The following BEND7 variants were observed in gnomAD, a reference collection of about 807,000 sequenced individuals.
BEND7 encodes BEN domain containing 7.
Under a neutral mutation model 50.9 loss-of-function variants are expected in BEND7, and 28 were observed. The observed-to-expected ratio is 0.55, with a 90% CI of 0.41 to 0.75. The LOEUF (loss-of-function observed/expected upper bound fraction) is 0.75. Ranked by LOEUF, BEND7 falls within the 30% of genes least tolerant of loss-of-function variation. The probability of loss-of-function intolerance (pLI) is 0.00; values close to 1 mark genes in which losing one functional copy is unlikely to be tolerated. For missense variants in BEND7, 477 were observed against 491.3 expected, an observed-to-expected ratio of 0.97 and a Z score of 0.28; for synonymous variants, 170 against 183.9, an observed-to-expected ratio of 0.92 and a Z score of 0.61.
intron 2 of BEND7, 122 bp from the exon 3 acceptor site, chr10:13,500,202 T>C (rs2077341140): frequency 3.3e-6 from 3 of 899,220 alleles, no homozygotes; most frequent in East Asian, 5.1e-5. Context: ...ACTGACTCTA[T>C]GAACTTAATC....
In BEND7 at chr10:13,500,624, G is replaced by T. The variant is rs1267620653; in HGVS notation, c.146-544C>A. 4 of 986,326 alleles carry T rather than the reference G, an allele frequency of 4.1e-6. No individual in the cohort carries two copies. In the East Asian group the frequency reaches 4.5e-4, roughly 111 times the overall value. 61.1% of individuals were successfully genotyped at this position (986,326 alleles called of 1,614,324 possible). A position where few individuals can be genotyped will look rare whatever the true frequency, so the allele number is the denominator to read the frequency against. ...TCAGGATGACTGGCAGGGATGCAGG[G>T]CTTCACTGCTGACACAATGTCCTCC... On this transcript the variant is annotated intron_variant, in intron 2 of 8. Transcript: ENST00000466271.
At chr10:13,477,694 T>C (rs760972899) in intron 6 of BEND7, among the ~76,000 whole-genome samples, 5 of 152,274 alleles carry the variant, frequency 3.3e-5, no homozygotes, top group Non-Finnish European at 7.3e-5. Flanking sequence ...TGGCATTTTA[T>C]TAACTGTTAA....
In BEND7 at chr10:13,528,635, G is replaced by A. The variant is rs1237222468; in HGVS notation, c.-102C>T. 34 of 543,328 alleles carry A rather than the reference G, an allele frequency of 6.3e-5. No homozygotes were observed. The highest frequency in any genetic ancestry group is 1.3e-4 in the Admixed American group (2 of 15,034). The allele number at this position is 543,328 out of a possible 1,614,324, so 33.7% of individuals were successfully genotyped here. A position where few individuals can be genotyped will look rare whatever the true frequency, so the allele number is the denominator to read the frequency against. On this transcript the variant is annotated 5_prime_UTR_variant, in exon 1 of 9. Transcript: ENST00000466271. ...CGGCGCGGGCTCGTGTCACCGCGGC[G>A]GAGCCGCCGGGACCAAGGTCCGCGC...
intron 2 of BEND7, 66 bp downstream of exon 2, chr10:13,526,072 T>C (rs1564428791): frequency 3.5e-6 from 3 of 853,200 alleles, no homozygotes; most frequent in Non-Finnish European, 3.3e-6. Context: ...AACAATTTCC[T>C]TTTTTCCCCC....
At chr10:13,481,251 G>T in intron 5 of BEND7, 127 bp from the exon 6 acceptor site, 1 of 875,780 alleles carries the variant, frequency 1.1e-6, no homozygotes, top group Non-Finnish European at 1.7e-6. Context: ...AACACTCTTG[G>T]CTTTCTTTGT....
chr10:13,479,957 A>T (rs946011202), intron 6 of BEND7, among the ~76,000 whole-genome samples: 5 of 152,208 alleles, frequency 3.3e-5, no homozygotes, highest in African/African-American at 1.2e-4. Context: ...GGGGAACAGA[A>T]GGGGGCAGAG....
intron 6 of BEND7, among the ~76,000 whole-genome samples, chr10:13,470,720 G>C (rs1309764504): frequency 6.6e-6 from 1 of 152,170 alleles, no homozygotes; most frequent in African/African-American, 2.4e-5. Context: ...CCAACGGCAG[G>C]GATCCGAATT....
intron 7 of BEND7, among the ~76,000 whole-genome samples, chr10:13,448,888 T>C (rs549332245): frequency 7.7e-4 from 113 of 146,788 alleles, no homozygotes; most frequent in African/African-American, 2.7e-3. Flanking sequence ...GGCAGGAGAA[T>C]GGTGTGAACC....
intron 5 of BEND7, among the ~76,000 whole-genome samples, chr10:13,482,945 T>C (rs1374643484): frequency 6.6e-6 from 1 of 152,224 alleles, no homozygotes; most frequent in African/African-American, 2.4e-5. Context: ...GATGAAGTTT[T>C]ATTCATAACC....
chr10:13,441,263 A>T lies in BEND7; in HGVS notation c.*480T>A. ...ATATTTACATATTAATAAAACATAT[A>T]TACAGAAGATTGAGACATTATCCAT... On this transcript the variant is annotated 3_prime_UTR_variant, in exon 9 of 9. Transcript: ENST00000466271. 5 of 914,416 alleles carry T rather than the reference A, an allele frequency of 5.5e-6. No homozygotes were observed. The highest frequency in any genetic ancestry group is 6.5e-6 in the Non-Finnish European group (5 of 765,214). The allele number at this position is 914,416 out of a possible 1,614,324, so 56.6% of individuals were successfully genotyped here.
chr10:13,498,810 T>C (rs1303271805), intron 3 of BEND7, among the ~76,000 whole-genome samples: 1 of 152,190 alleles, frequency 6.6e-6, no homozygotes, highest in African/African-American at 2.4e-5. Flanking sequence ...GATACTGGCT[T>C]ATGTACTACT....
intron 2 of BEND7, among the ~76,000 whole-genome samples, chr10:13,508,091 C>T (rs1013433350): frequency 6.6e-6 from 1 of 152,194 alleles, no homozygotes; most frequent in African/African-American, 2.4e-5. Context: ...GCACAACCTC[C>T]ACAAGTGAGC....
At chr10:13,447,832 G>A (rs1310347202) in intron 7 of BEND7, among the ~76,000 whole-genome samples, 2 of 152,128 alleles carry the variant, frequency 1.3e-5, no homozygotes, top group Admixed American at 1.3e-4. Context: ...GATCACTGAT[G>A]ATTTCTGTTT....
At position 13,441,450 on chromosome 10, in the gene BEND7, C is replaced by G; in HGVS notation, c.*293G>C. ...AGTGTGTAGATCCGTTCATCGCACA[C>G]ATCTTTGGGTTGAACAAGCTCCACC... On this transcript the variant is annotated 3_prime_UTR_variant, in exon 9 of 9. Transcript: ENST00000466271. 1 of 1,145,276 alleles carries G rather than the reference C, an allele frequency of 8.7e-7. No individual in the cohort carries two copies. Among genetic ancestry groups the G allele is most frequent in the Non-Finnish European group, 1.1e-6 (1 of 941,206 alleles). 70.9% of individuals were successfully genotyped at this position (1,145,276 alleles called of 1,614,324 possible).
intron 8 of BEND7, chr10:13,445,548 C>T (rs1247653105): frequency 2.0e-5 from 3 of 152,172 alleles, no homozygotes; most frequent in Non-Finnish European, 4.4e-5. Flanking sequence ...TTCTGGGCCT[C>T]AGGCTTTTTT....
chr10:13,463,832 A>T lies in BEND7; in HGVS notation c.1064-11174T>A, dbSNP rs2073961846. 3.3e-5 allele frequency among the ~76,000 whole-genome samples: 5 copies of T among 152,226 alleles called. No individual in the cohort carries two copies. In the South Asian group the frequency reaches 8.3e-4, roughly 25 times the overall value. Reference sequence around the variant, plus strand: ...TACTTGAAATGCATGTCATTGACAAAAAAACTCCAGTAAGTCAGTAAGAGA... The same window carrying T: ...TACTTGAAATGCATGTCATTGACAATAAAACTCCAGTAAGTCAGTAAGAGA... On this transcript the variant is annotated intron_variant, in intron 6 of 8. Coordinates refer to ENST00000466271, the MANE Select transcript of BEND7 (RefSeq NM_001369863.1).
At chr10:13,469,677 A>T (rs1305811050) in intron 6 of BEND7, among the ~76,000 whole-genome samples, 1 of 152,116 alleles carries the variant, frequency 6.6e-6, no homozygotes, top group Non-Finnish European at 1.5e-5. Flanking sequence ...GAGTTTCACC[A>T]TGTTGGCCAG....
At position 13,448,555 on chromosome 10, in the gene BEND7, G is replaced by A. The variant is rs75717438; in HGVS notation, c.1184-1239C>T. ...GCTAGAAATATTGTATGGCTCCCCTGTCTCCTTCATCCTCCAACATCTTGT... is the reference window on the plus strand; with the variant it reads ...GCTAGAAATATTGTATGGCTCCCCTATCTCCTTCATCCTCCAACATCTTGT... On this transcript the variant is annotated intron_variant, in intron 7 of 8. Transcript: ENST00000466271. 7.9e-3 allele frequency among the ~76,000 whole-genome samples: 1,206 copies of A among 152,240 alleles called. 6 individuals carry two copies. The highest frequency in any genetic ancestry group is 0.012 in the Non-Finnish European group (836 of 68,006).
intron 6 of BEND7, among the ~76,000 whole-genome samples, chr10:13,478,492 G>A (rs955749479): frequency 1.4e-4 from 21 of 152,158 alleles, no homozygotes; most frequent in African/African-American, 5.1e-4. Flanking sequence ...ATCAGAATAA[G>A]TCAGGTAGAA....
Sources: allele counts gnomAD v4.1 joint callset (sites outside exome capture counted in the v4.1 genomes callset), GRCh38; gene constraint gnomAD v4.1.1; transcripts MANE v1.5; gene names NCBI Gene and HGNC (gene_info 2026-07-23, HGNC 2026-07-21).